Variants in PARD3 observed in about 807,000 individuals in gnomAD.
PARD3 encodes partitioning defective 3 homolog.
PARD3 carries 75 observed loss-of-function variants against 155.4 expected under a neutral mutation model. The ratio of observed to expected loss-of-function variants is 0.48; its 90% CI spans 0.40 to 0.58. The LOEUF (loss-of-function observed/expected upper bound fraction) is 0.58. Ranked by LOEUF, PARD3 falls within the 20% of genes least tolerant of loss-of-function variation. PARD3 has a pLI of 0.00. For synonymous variants in PARD3, 576 were observed against 610.5 expected (o/e 0.94, Z 0.83); for missense variants, 1,642 against 1,721.7 (o/e 0.95, Z 0.82).
At chr10:34,373,536 T>C (rs1840911225) in intron 11 of PARD3, among the ~76,000 whole-genome samples, 2 of 151,938 alleles carry the variant, frequency 1.3e-5, no homozygotes, top group Non-Finnish European at 2.9e-5. Flanking sequence ...GTTTTTTTTT[T>C]TTAAGTGCTC....
At chr10:34,198,301 A>G (rs934306367) in intron 22 of PARD3, among the ~76,000 whole-genome samples, 9 of 152,276 alleles carry the variant, frequency 5.9e-5, no homozygotes, top group African/African-American at 2.2e-4. Context: ...TGAGTTTCAC[A>G]TTTTTGTCTT....
chr10:34,558,184 G>T (rs544924442), intron 2 of PARD3, among the ~76,000 whole-genome samples: 1 of 151,924 alleles, frequency 6.6e-6, no homozygotes, highest in Non-Finnish European at 1.5e-5. Flanking sequence ...AGTTGAATAC[G>T]TAATTATATT....
At chr10:34,217,832 C>G (rs1952077811) in intron 22 of PARD3, among the ~76,000 whole-genome samples, 1 of 152,138 alleles carries the variant, frequency 6.6e-6, no homozygotes, top group South Asian at 2.1e-4. Flanking sequence ...ATTCCTCCCT[C>G]TGCGACTCTA....
chr10:34,161,409 T>C (rs1393685291), intron 22 of PARD3, among the ~76,000 whole-genome samples: 3 of 152,200 alleles, frequency 2.0e-5, no homozygotes, highest in East Asian at 3.9e-4. Context: ...TGTTACTCAG[T>C]GTAATGCCTA....
At position 34,754,374 on chromosome 10, in the gene PARD3, A is replaced by G. The variant is rs182819841; in HGVS notation, c.121-57955T>C. 2.0e-5 allele frequency among the ~76,000 whole-genome samples: 3 copies of G among 152,324 alleles called. No homozygotes were observed. In the East Asian group the frequency reaches 5.8e-4, roughly 29 times the overall value. On this transcript the variant is annotated intron_variant, in intron 1 of 24. Coordinates refer to ENST00000374788, the MANE Select transcript of PARD3 (RefSeq NM_001184785.2). ...AAGCATCTATTTACCTTACCAATAAAAACACTTTCAAGTCATAAGTAGCTC... is the reference window on the plus strand; with the variant it reads ...AAGCATCTATTTACCTTACCAATAAGAACACTTTCAAGTCATAAGTAGCTC...
chr10:34,481,376 T>G (rs1015385074), intron 3 of PARD3, among the ~76,000 whole-genome samples: 2 of 152,182 alleles, frequency 1.3e-5, no homozygotes, highest in South Asian at 2.1e-4. Flanking sequence ...AGCCTTTGAC[T>G]TCTCTCTTCC....
At chr10:34,321,518 T>G (rs1471184845) in intron 19 of PARD3, among the ~76,000 whole-genome samples, 1 of 152,250 alleles carries the variant, frequency 6.6e-6, no homozygotes, top group African/African-American at 2.4e-5. Flanking sequence ...TTCTGCCTGT[T>G]TAAACCTGCT....
intron 10 of PARD3, among the ~76,000 whole-genome samples, chr10:34,376,807 T>C (rs1841299333): frequency 6.6e-6 from 1 of 152,088 alleles, no homozygotes; most frequent in Non-Finnish European, 1.5e-5. Flanking sequence ...GAAAAAAGGA[T>C]AGTGTGGTAA....
chr10:34,695,191 C>T (rs1394271416), intron 2 of PARD3, among the ~76,000 whole-genome samples: 1 of 152,128 alleles, frequency 6.6e-6, no homozygotes, highest in African/African-American at 2.4e-5. Flanking sequence ...AAAGGAGTGG[C>T]CAGGGCCGGG....
At chr10:34,516,113 C>CAT (rs2081740753) in intron 3 of PARD3, among the ~76,000 whole-genome samples, 1 of 151,938 alleles carries the variant, frequency 6.6e-6, no homozygotes, top group Admixed American at 6.6e-5. Flanking sequence ...TACAGGCAAC[C>CAT]GCCACCACGC....
At chr10:34,408,284 TATTC>T (rs1319079604) in intron 5 of PARD3, among the ~76,000 whole-genome samples, 2 of 152,158 alleles carry the variant, frequency 1.3e-5, no homozygotes, top group Non-Finnish European at 1.5e-5. Flanking sequence ...TAAAAAAAAT[TATTC>T]ATAACAGTAA....
intron 2 of PARD3, among the ~76,000 whole-genome samples, chr10:34,602,901 G>T (rs1221123295): frequency 2.6e-5 from 4 of 152,100 alleles, no homozygotes; most frequent in Middle Eastern, 3.2e-3. Context: ...TTAACAGAAA[G>T]CAAAACTGAG....
intron 12 of PARD3, among the ~76,000 whole-genome samples, chr10:34,369,416 G>C (rs1353521869): frequency 6.6e-6 from 1 of 151,950 alleles, no homozygotes; most frequent in Non-Finnish European, 1.5e-5. Context: ...TTCTTCCAGT[G>C]TGGCCCAGGG....
intron 5 of PARD3, among the ~76,000 whole-genome samples, chr10:34,446,101 G>C (rs181072403): frequency 7.9e-5 from 12 of 152,170 alleles, no homozygotes; most frequent in Non-Finnish European, 1.6e-4. Flanking sequence ...CTTTTACAAA[G>C]AGCCACAAAA....
At chr10:34,737,199 T>C (rs558254454) in intron 1 of PARD3, among the ~76,000 whole-genome samples, 6 of 152,036 alleles carry the variant, frequency 3.9e-5, no homozygotes, top group Non-Finnish European at 8.8e-5. Flanking sequence ...ATTTAGGTGG[T>C]TGAGCAAATA....
At chr10:34,193,263 G>A (rs1205883441) in intron 22 of PARD3, among the ~76,000 whole-genome samples, 2 of 152,168 alleles carry the variant, frequency 1.3e-5, no homozygotes, top group Admixed American at 1.3e-4. Flanking sequence ...CAATTTGCAA[G>A]AAATGTTGAA....
At chr10:34,491,060 T>G (rs746330497) in intron 3 of PARD3, among the ~76,000 whole-genome samples, 3 of 152,110 alleles carry the variant, frequency 2.0e-5, no homozygotes, top group Non-Finnish European at 4.4e-5. Flanking sequence ...AATGAATAGG[T>G]CTGGATGGGG....
At chr10:34,161,234 G>C (rs1949262534) in intron 22 of PARD3, among the ~76,000 whole-genome samples, 1 of 110,852 alleles carries the variant, frequency 9.0e-6, no homozygotes, top group Non-Finnish European at 1.7e-5. Flanking sequence ...AACAGAGTGA[G>C]ACCCTGTCTT....
At chr10:34,498,109 G>A (rs2080414766) in intron 3 of PARD3, among the ~76,000 whole-genome samples, 1 of 152,072 alleles carries the variant, frequency 6.6e-6, no homozygotes, top group South Asian at 2.1e-4. Flanking sequence ...CAATAAGATT[G>A]TAGGTAAGTA....
Sources: gnomAD v4.1 joint callset for allele counts (sites outside exome capture counted in the v4.1 genomes callset) on GRCh38, gnomAD v4.1.1 for gene constraint, MANE v1.5 for transcripts, NCBI Gene and HGNC (gene_info 2026-07-23, HGNC 2026-07-21) for gene names.